MYO10: variants seen among roughly 807,000 people sequenced by gnomAD.
MYO10 encodes the protein myosin X.
In MYO10, 133 loss-of-function variants were observed where a neutral mutation model predicts 257.3. That is an observed-to-expected ratio of 0.52 (90% CI 0.45 to 0.60). The LOEUF is 0.60. MYO10 is among the 20% of genes least tolerant of loss of function. MYO10 has a pLI of 0.00. For synonymous variants in MYO10, 1,104 were observed against 1,028.6 expected (o/e 1.07, Z -1.40); for missense variants, 2,399 against 2,635.7 (o/e 0.91, Z 1.97).
At chr5:16,763,402 C>G in intron 14 of MYO10, 79 bp downstream of exon 14, 5 of 1,112,400 alleles carry the variant, frequency 4.5e-6, no homozygotes, top group African/African-American at 1.5e-5. Context: ...TGTTCGTGCA[C>G]GTTATTTTGT....
chr5:16,715,392 A>ATTTTTTTTTTT (rs372307063), intron 19 of MYO10, among the ~76,000 whole-genome samples: 4 of 84,340 alleles, frequency 4.7e-5, no homozygotes, highest in Admixed American at 1.9e-4. Context: ...TAAGATTGAA[A>ATTTTTTTTTTT]TTTTTTTTTT....
chr5:16,735,054 C>T (rs1225794090), intron 19 of MYO10, among the ~76,000 whole-genome samples: 1 of 152,068 alleles, frequency 6.6e-6, no homozygotes, highest in Non-Finnish European at 1.5e-5. Context: ...AAAGGCAGGC[C>T]GGATCAGTGT....
At chr5:16,900,023 A>G (rs1745333576) in intron 1 of MYO10, among the ~76,000 whole-genome samples, 1 of 137,970 alleles carries the variant, frequency 7.2e-6, no homozygotes, top group Non-Finnish European at 1.6e-5. Flanking sequence ...AAAAAAAAAA[A>G]AGATTTAAAC....
At chr5:16,811,543 A>G (rs1742441316) in intron 3 of MYO10, among the ~76,000 whole-genome samples, 1 of 151,794 alleles carries the variant, frequency 6.6e-6, no homozygotes, top group Non-Finnish European at 1.5e-5. Context: ...CCTTCTCATC[A>G]GTTCTTTTCT....
intron 1 of MYO10, among the ~76,000 whole-genome samples, chr5:16,881,302 A>G (rs139458934): frequency 3.3e-5 from 5 of 152,308 alleles, no homozygotes; most frequent in African/African-American, 4.8e-5. Flanking sequence ...GGCCATCCAG[A>G]ACATATTTTT....
rs1319732890 is a variant in MYO10 at position 16,877,709 on chromosome 5, T to C, written c.22-2A>G. The C allele has an allele frequency of 1.9e-6, 3 of 1,611,002 alleles. No homozygotes were observed. Among genetic ancestry groups the C allele is most frequent in the South Asian group, 2.2e-5 (2 of 90,700 alleles). ...TTCTCTCAGCCAGACCCGTGTTCCC[T>C]GTAAACAAAACAAACAAGACTGAAC... On this transcript the variant is annotated splice_acceptor_variant, in intron 1 of 40. Coordinates refer to ENST00000513610, the MANE Select transcript of MYO10 (RefSeq NM_012334.3). LOFTEE classifies it high-confidence loss of function.
intron 19 of MYO10, among the ~76,000 whole-genome samples, chr5:16,728,923 T>C (rs1332729255): frequency 6.6e-6 from 1 of 152,240 alleles, no homozygotes; most frequent in African/African-American, 2.4e-5. Context: ...ATTTTTTTAC[T>C]GTATTTTTCT....
In MYO10 at chr5:16,665,942, T is replaced by C. The variant is rs1184672947; in HGVS notation, c.*750A>G. On this transcript the variant is annotated 3_prime_UTR_variant, in exon 41 of 41. Transcript: ENST00000513610. ...GACAGGAAAATCCAGGATTTGGGTT[T>C]GTTAATAAAACCACCTTATAAAGTA... 4 of 152,654 alleles carry C rather than the reference T, an allele frequency of 2.6e-5. No homozygotes were observed. The highest frequency in any genetic ancestry group is 2.1e-4 in the South Asian group (1 of 4,832). 9.5% of individuals were successfully genotyped at this position (152,654 alleles called of 1,614,324 possible).
chr5:16,728,218 C>A (rs771613282), intron 19 of MYO10, among the ~76,000 whole-genome samples: 1 of 152,184 alleles, frequency 6.6e-6, no homozygotes, highest in Non-Finnish European at 1.5e-5. Flanking sequence ...AATGGCCCTG[C>A]GTGTGCATGG....
intron 17 of MYO10, 49 bp from the exon 18 acceptor site, chr5:16,758,275 T>C: frequency 7.9e-7 from 1 of 1,263,714 alleles, no homozygotes; most frequent in Middle Eastern, 1.9e-4. Context: ...CACCCATTAT[T>C]AGGTGCAAGA....
chr5:16,700,734 C>T (rs1738007561), intron 25 of MYO10, among the ~76,000 whole-genome samples: 1 of 152,212 alleles, frequency 6.6e-6, no homozygotes, highest in African/African-American at 2.4e-5. Flanking sequence ...GTCTTGGGCA[C>T]AGCTCAGCTC....
chr5:16,874,443 C>T (rs1379986095), intron 2 of MYO10, among the ~76,000 whole-genome samples: 3 of 149,930 alleles, frequency 2.0e-5, no homozygotes, highest in Non-Finnish European at 4.4e-5. Context: ...CCTTTAACAG[C>T]CCCCACATCA....
chr5:16,856,878 T>C (rs1312259125), intron 2 of MYO10, among the ~76,000 whole-genome samples: 2 of 152,300 alleles, frequency 1.3e-5, no homozygotes, highest in African/African-American at 4.8e-5. Context: ...CCAGGTGGCA[T>C]GGACAATGGG....
At chr5:16,801,168 G>A (rs1742108470) in intron 3 of MYO10, among the ~76,000 whole-genome samples, 1 of 152,078 alleles carries the variant, frequency 6.6e-6, no homozygotes, top group Non-Finnish European at 1.5e-5. Context: ...GGTAGAGAAA[G>A]AGCACTTAAA....
chr5:16,697,772 T>C (rs1737825309), intron 26 of MYO10, among the ~76,000 whole-genome samples: 1 of 140,608 alleles, frequency 7.1e-6, no homozygotes, highest in African/African-American at 2.8e-5. Flanking sequence ...AAGACGGCAA[T>C]AAAAAGGAAA....
intron 19 of MYO10, among the ~76,000 whole-genome samples, chr5:16,718,105 T>C (rs1013454369): frequency 6.6e-6 from 1 of 152,194 alleles, no homozygotes; most frequent in Non-Finnish European, 1.5e-5. Flanking sequence ...GGCCAGTGGC[T>C]GCGGAGGGTG....
Position 16,681,397 on chromosome 5 carries a change from T to C in MYO10, c.4296A>G (p.Ser1432=). 5 of 1,614,034 alleles carry C rather than the reference T, an allele frequency of 3.1e-6. No individual in the cohort carries two copies. The highest frequency in any genetic ancestry group is 1.7e-5 in the Admixed American group (1 of 60,026). Reference sequence around the variant, plus strand: ...TCCCCAGTTTGAGCGCGTTCTTCTCTGAACTCTTGTAGTAATCCAGGGAAT... The same window carrying C: ...TCCCCAGTTTGAGCGCGTTCTTCTCCGAACTCTTGTAGTAATCCAGGGAAT... The part of the protein sequence containing the change: ...THNSLDYYKS[S]EKNALKLGTL... The change falls in exon 32 of 41, where the codon TCA becomes TCG. Residue 1432 remains serine (S), a synonymous_variant. Transcript: ENST00000513610.
intron 31 of MYO10, 96 bp from the exon 32 acceptor site, chr5:16,681,599 T>A: frequency 7.6e-7 from 1 of 1,307,706 alleles, no homozygotes; most frequent in Non-Finnish European, 1.0e-6. Context: ...GGGTGGGGTT[T>A]CTAGCTGTTT....
chr5:16,700,482 G>A (rs188760492), intron 25 of MYO10, among the ~76,000 whole-genome samples: 1 of 152,312 alleles, frequency 6.6e-6, no homozygotes, highest in African/African-American at 2.4e-5. Context: ...TTCAAGACCA[G>A]CCTGGCCAAC....
Sources: allele counts gnomAD v4.1 joint callset (sites outside exome capture counted in the v4.1 genomes callset), GRCh38; gene constraint gnomAD v4.1.1; transcripts MANE v1.5; gene names NCBI Gene and HGNC (gene_info 2026-07-23, HGNC 2026-07-21).